Variants in ZNF879 observed in about 807,000 individuals in gnomAD.
ZNF879 encodes the protein zinc finger protein 879.
ZNF879 carries 32 observed loss-of-function variants against 44.3 expected under a neutral mutation model. That is an observed-to-expected ratio of 0.72 (90% CI 0.54 to 0.97). The LOEUF (loss-of-function observed/expected upper bound fraction) is 0.97, where lower values mean the gene tolerates loss of function less well. ZNF879 is among the 50% of genes least tolerant of loss of function. The pLI, the probability that ZNF879 is intolerant of heterozygous loss-of-function variation, is 0.00. For missense variants in ZNF879, 621 were observed against 669.7 expected, an observed-to-expected ratio of 0.93 and a Z score of 0.80; for synonymous variants, 234 against 233.2, an observed-to-expected ratio of 1.00 and a Z score of -0.03.
Position 179,033,838 on chromosome 5 carries a change from A to G in ZNF879, c.*198A>G, listed in dbSNP as rs1331976028. 1.1e-5 allele frequency: 5 copies of G among 465,282 alleles called. No homozygotes were observed. Among genetic ancestry groups the G allele is most frequent in the East Asian group, 6.7e-5 (2 of 29,852 alleles). The allele number at this position is 465,282 out of a possible 1,614,324, so 28.8% of individuals were successfully genotyped here. A position where few individuals can be genotyped will look rare whatever the true frequency, so the allele number is the denominator to read the frequency against. On this transcript the variant is annotated 3_prime_UTR_variant, in exon 5 of 5. Coordinates refer to ENST00000444149, the MANE Select transcript of ZNF879 (RefSeq NM_001136116.3). ...AAAAGCTTCTATAAAATGTTTATTC[A>G]TATGTTCTTAAGTTATTACCATGAA...
At position 179,034,748 on chromosome 5, in the gene ZNF879, T is replaced by G. The variant is rs1761539640; in HGVS notation, c.*1108T>G. On this transcript the variant is annotated 3_prime_UTR_variant, in exon 5 of 5. Transcript: ENST00000444149. ...TTCAGCATTTCTAAAATGTGAATCA[T>G]AAGATTAGCAAGCTAAAAACAGTTA... is the stretch of plus-strand genomic sequence containing the variant. 1 of 152,206 alleles carries G rather than the reference T, an allele frequency of 6.6e-6. No individual in the cohort carries two copies. Among genetic ancestry groups the G allele is most frequent in the Admixed American group, 6.5e-5 (1 of 15,276 alleles). The allele number at this position is 152,206 out of a possible 1,614,324, so 9.4% of individuals were successfully genotyped here.
chr5:179,029,497 A>G (rs1013322532), intron 4 of ZNF879, among the ~76,000 whole-genome samples: 1 of 152,222 alleles, frequency 6.6e-6, no homozygotes, highest in Non-Finnish European at 1.5e-5. Flanking sequence ...GATCTGTAGT[A>G]AGGACCAGAA....
Position 179,031,283 on chromosome 5 carries a change from C to T in ZNF879, c.257-922C>T, listed in dbSNP as rs138391456. Among the ~76,000 whole-genome samples, 302 of 152,234 alleles carry T rather than the reference C, an allele frequency of 2.0e-3. 1 individual carries two copies. The highest frequency in any genetic ancestry group is 6.2e-3 in the African/African-American group (258 of 41,524). Reference sequence around the variant, plus strand: ...CAATATCTTCCTGTATCCTAGAAAACGCTCCACAATATAGCCTGGCCCACC... The same window carrying T: ...CAATATCTTCCTGTATCCTAGAAAATGCTCCACAATATAGCCTGGCCCACC... On this transcript the variant is annotated intron_variant, in intron 4 of 4. Transcript: ENST00000444149.
intron 3 of ZNF879, 48 bp from the exon 4 acceptor site, chr5:179,027,984 C>A (rs746942233): frequency 1.3e-6 from 2 of 1,516,696 alleles, no homozygotes; most frequent in Admixed American, 2.0e-5. Context: ...TGGGGCTGGA[C>A]CCGCCTGCTA....
intron 4 of ZNF879, among the ~76,000 whole-genome samples, chr5:179,028,999 T>G (rs1761349873): frequency 6.6e-6 from 1 of 152,152 alleles, no homozygotes; most frequent in Non-Finnish European, 1.5e-5. Flanking sequence ...GTAACGGTTT[T>G]CAAAAAAGGT....
chr5:179,032,811 A>T lies in ZNF879; in HGVS notation c.863A>T (p.Tyr288Phe). 2 of 1,554,800 alleles carry T rather than the reference A, an allele frequency of 1.3e-6. No individual in the cohort carries two copies. Among genetic ancestry groups the T allele is most frequent in the Non-Finnish European group, 1.7e-6 (2 of 1,148,944 alleles). ...AGAATGCATACTGGAGAGAGACCTT[A>T]TAAATGCAAGGAATGTGGAAAAACA... ...HQRMHTGERP[Y>F]KCKECGKTFK... Residue 288 changes from tyrosine (Y) to phenylalanine (F), a missense_variant, in exon 5 of 5, where the codon TAT becomes TTT. By Grantham distance (22) the Tyr-to-Phe change is conservative. Coordinates refer to ENST00000444149, the MANE Select transcript of ZNF879 (RefSeq NM_001136116.3).
Position 179,033,717 on chromosome 5 carries a change from A to G in ZNF879, c.*77A>G. On this transcript the variant is annotated 3_prime_UTR_variant, in exon 5 of 5. Transcript: ENST00000444149. Reference sequence around the variant, plus strand: ...ATCAAAAAATTCATTGTGGGGAGAAAGTGATGAAGAGTAGTTAATCATAGG... The same window carrying G: ...ATCAAAAAATTCATTGTGGGGAGAAGGTGATGAAGAGTAGTTAATCATAGG... The G allele has an allele frequency of 9.2e-7, 1 of 1,081,238 alleles. No homozygotes were observed. Among genetic ancestry groups the G allele is most frequent in the Non-Finnish European group, 1.3e-6 (1 of 770,234 alleles). The allele number at this position is 1,081,238 out of a possible 1,614,324, so 67.0% of individuals were successfully genotyped here. A position where few individuals can be genotyped will look rare whatever the true frequency, so the allele number is the denominator to read the frequency against.
chr5:179,032,583 T>A lies in ZNF879; in HGVS notation c.635T>A (p.Ile212Asn), dbSNP rs764372900. ...KCYKCNICGK[I>N]FLHSSSLSKH... ...TATAAATGTAATATCTGTGGGAAAA[T>A]CTTCCTCCACAGTTCCTCCCTGAGT... The change falls in exon 5 of 5, where the codon ATC (isoleucine) becomes AAC (asparagine). Residue 212 changes from isoleucine (I) to asparagine (N), a missense_variant. Coordinates refer to ENST00000444149, the MANE Select transcript of ZNF879 (RefSeq NM_001136116.3). 1.9e-6 allele frequency: 3 copies of A among 1,554,526 alleles called. No individual in the cohort carries two copies. The highest frequency in any genetic ancestry group is 2.6e-6 in the Non-Finnish European group (3 of 1,148,782).
intron 4 of ZNF879, among the ~76,000 whole-genome samples, chr5:179,029,464 A>G (rs1002515646): frequency 2.0e-5 from 3 of 152,350 alleles, no homozygotes; most frequent in South Asian, 2.1e-4. Context: ...TAGAAATTCA[A>G]TCAGACATCT....
In ZNF879 at chr5:179,029,258, T is replaced by C. The variant is rs147614190; in HGVS notation, c.256+1131T>C. Among the ~76,000 whole-genome samples, 1,294 of 152,298 alleles carry C rather than the reference T, an allele frequency of 8.5e-3. 18 individuals carry two copies. The highest frequency in any genetic ancestry group is 0.03 in the African/African-American group (1,243 of 41,564). ...CTTCTCTTTGGAATCTTACAGGACATCATCTTTATCTTTGGAATTCAGACT... is the reference window on the plus strand; with the variant it reads ...CTTCTCTTTGGAATCTTACAGGACACCATCTTTATCTTTGGAATTCAGACT... On this transcript the variant is annotated intron_variant, in intron 4 of 4. Transcript: ENST00000444149.
intron 2 of ZNF879, among the ~76,000 whole-genome samples, chr5:179,026,565 C>T (rs1313458074): frequency 6.6e-6 from 1 of 152,156 alleles, no homozygotes; most frequent in Non-Finnish European, 1.5e-5. Flanking sequence ...TCACTGCAGC[C>T]TCGACCTCCT....
At chr5:179,029,037 A>G (rs567328813) in intron 4 of ZNF879, among the ~76,000 whole-genome samples, 13 of 151,712 alleles carry the variant, frequency 8.6e-5, no homozygotes, top group African/African-American at 2.9e-4. Flanking sequence ...GTACGTGTCA[A>G]AAATCAGTTG....
chr5:179,033,864 A>G lies in ZNF879; in HGVS notation c.*224A>G, dbSNP rs1761510140. 2.5e-6 allele frequency: 1 copy of G among 392,642 alleles called. No individual in the cohort carries two copies. The highest frequency in any genetic ancestry group is 4.1e-5 in the Admixed American group (1 of 24,498). 24.3% of individuals were successfully genotyped at this position (392,642 alleles called of 1,614,324 possible). A position where few individuals can be genotyped will look rare whatever the true frequency, so the allele number is the denominator to read the frequency against. ...TATGTTCTTAAGTTATTACCATGAA[A>G]TGGAGAATTTTTAAGATTGCAGGGT... is the stretch of plus-strand genomic sequence containing the variant. On this transcript the variant is annotated 3_prime_UTR_variant, in exon 5 of 5. Coordinates refer to ENST00000444149, the MANE Select transcript of ZNF879 (RefSeq NM_001136116.3).
chr5:179,024,838 C>T (rs1429195855), intron 1 of ZNF879, 132 bp from the exon 2 acceptor site: 3 of 650,852 alleles, frequency 4.6e-6, no homozygotes, highest in Non-Finnish European at 5.3e-6. Context: ...GACTTAGGGC[C>T]CCTCTGGCCT....
chr5:179,024,111 TCCTGGGCCGCAG>T (rs1181626727), intron 1 of ZNF879, among the ~76,000 whole-genome samples: 1 of 152,154 alleles, frequency 6.6e-6, no homozygotes, highest in Non-Finnish European at 1.5e-5. Flanking sequence ...GCCGCTGGAC[TCCTGGGCCGCAG>T]CCTGGGCCGG....
Position 179,030,504 on chromosome 5 carries a change from C to T in ZNF879, c.257-1701C>T, listed in dbSNP as rs570364030. 1.5e-4 allele frequency among the ~76,000 whole-genome samples: 23 copies of T among 152,266 alleles called. No individual in the cohort carries two copies. In the South Asian group the frequency reaches 1.9e-3, roughly 12 times the overall value. On this transcript the variant is annotated intron_variant, in intron 4 of 4. Transcript: ENST00000444149. ...CCATTAAAATGATGATGTCAGCCTA[C>T]ATTTATTGACATGGAGAGAAGCTCA...
At position 179,028,036 on chromosome 5, in the gene ZNF879, T is replaced by A; in HGVS notation, c.165T>A (p.Ile55=). 1 of 1,551,526 alleles carries A rather than the reference T, an allele frequency of 6.4e-7. No individual in the cohort carries two copies. The highest frequency in any genetic ancestry group is 1.2e-5 in the South Asian group (1 of 84,064). Residue 55 remains isoleucine (I), a synonymous_variant, in exon 4 of 5, where the codon ATT becomes ATA. Transcript: ENST00000444149. ...ENYSILVSLG[I]LFSKPKVISQ... ...TTCTTTCTTGTTCATGAACAGGGAT[T>A]CTCTTTTCCAAGCCAAAGGTCATCT... is the stretch of plus-strand genomic sequence containing the variant.
chr5:179,030,171 C>T (rs1761383750), intron 4 of ZNF879, among the ~76,000 whole-genome samples: 1 of 152,088 alleles, frequency 6.6e-6, no homozygotes, highest in East Asian at 1.9e-4. Context: ...ACCATTTTTC[C>T]CTTATTACCA....
In ZNF879 at chr5:179,027,344, G is replaced by A. The variant is rs576167719; in HGVS notation, c.34-129G>A. On this transcript the variant is annotated intron_variant, in intron 2 of 4. Transcript: ENST00000444149. ...CACCATAGGTAAATGATAAATGTGT[G>A]CTTGGTAACTGAAAAGTTGTCCAGA... The A allele has an allele frequency of 1.4e-5, 18 of 1,317,396 alleles. No homozygotes were observed. The African/African-American group carries it at 2.2e-4, about 16-fold the overall frequency. 81.6% of individuals were successfully genotyped at this position (1,317,396 alleles called of 1,614,324 possible). A position where few individuals can be genotyped will look rare whatever the true frequency, so the allele number is the denominator to read the frequency against.
Sources: gnomAD v4.1 joint callset for allele counts (sites outside exome capture counted in the v4.1 genomes callset) on GRCh38, gnomAD v4.1.1 for gene constraint, MANE v1.5 for transcripts, NCBI Gene and HGNC (gene_info 2026-07-23, HGNC 2026-07-21) for gene names.